The following ZNF492 variants were observed in gnomAD, a reference collection of about 807,000 sequenced individuals.
ZNF492 encodes zinc finger protein 115 (Y20).
Under a neutral mutation model 6.4 loss-of-function variants are expected in ZNF492, and 3 were observed. The ratio of observed to expected loss-of-function variants is 0.47; its 90% confidence interval spans 0.21 to 1.22. The LOEUF (loss-of-function observed/expected upper bound fraction) is 1.22, where lower values mean the gene tolerates loss of function less well. Ranked by LOEUF, ZNF492 falls within the 50% of genes most tolerant of loss-of-function variation. The pLI, the probability that ZNF492 is intolerant of heterozygous loss-of-function variation, is 0.22. For missense variants in ZNF492, 356 were observed against 612.5 expected, an observed-to-expected ratio of 0.58 and a Z score of 4.42; for synonymous variants, 112 against 205.3, an observed-to-expected ratio of 0.55 and a Z score of 3.89.
At position 22,665,123 on chromosome 19, in the gene ZNF492, C is replaced by G. The variant is rs776673156; in HGVS notation, c.1454C>G (p.Ala485Gly). ...KPYKCEECGK[A>G]FNNSSILNRH... ...TACAAGTGTGAAGAATGTGGCAAAG[C>G]CTTTAACAACTCCTCTATTCTTAAC... is the stretch of plus-strand genomic sequence containing the variant. Residue 485 changes from alanine (A) to glycine (G), a missense_variant, in exon 4 of 4, where the codon GCC (alanine) becomes GGC (glycine). This residue lies in a region of ZNF492 where 81 missense variants were observed against 115.4 expected (regional missense o/e 0.70). Coordinates refer to ENST00000456783, the MANE Select transcript of ZNF492 (RefSeq NM_020855.3). 15 of 1,610,184 alleles carry G rather than the reference C, an allele frequency of 9.3e-6. No homozygotes were observed. The Admixed American group carries it at 2.3e-4, about 25-fold the overall frequency.
rs1427443014 is a variant in ZNF492 at position 22,664,483 on chromosome 19, AAG to A, written c.816_817del (p.Lys272AsnfsTer12). 1.9e-6 allele frequency: 3 copies of A among 1,562,746 alleles called. No individual in the cohort carries two copies. The highest frequency in any genetic ancestry group is 1.7e-6 in the Non-Finnish European group (2 of 1,156,052). ...FSQSSTLTAH[K>X]IIHAGEKPYK... ...CCAGTCCTCAACCCTTACTGCACAT[AAG>A]ATAATTCATGCTGGAGAGAAACCTT... is the stretch of plus-strand genomic sequence containing the variant. On this transcript the variant is annotated frameshift_variant, in exon 4 of 4. Transcript: ENST00000456783. LOFTEE classifies it low-confidence loss of function (END_TRUNC).
At chr19:22,652,441 A>G (rs1709995307) in intron 1 of ZNF492, among the ~76,000 whole-genome samples, 1 of 150,998 alleles carries the variant, frequency 6.6e-6, no homozygotes, top group African/African-American at 2.5e-5. Flanking sequence ...CTTTGTTTAC[A>G]GGCCAGAAAA....
Position 22,665,223 on chromosome 19 carries a change from A to C in ZNF492, c.1554A>C (p.Ala518=). Residue 518 remains alanine, a synonymous_variant, in exon 4 of 4, where the codon GCA becomes GCC. Coordinates refer to ENST00000456783, the MANE Select transcript of ZNF492 (RefSeq NM_020855.3). The part of the protein sequence containing the change: ...ESCNNACDNI[A]KISKYKRNCA... The stretch of plus-strand genomic sequence containing the variant: ...GTAACAATGCTTGTGACAACATTGC[A>C]AAGATTTCCAAATATAAAAGAAATT... The C allele has an allele frequency of 6.3e-7, 1 of 1,589,858 alleles. No homozygotes were observed. Among genetic ancestry groups the C allele is most frequent in the Non-Finnish European group, 8.6e-7 (1 of 1,168,206 alleles).
chr19:22,635,682 A>G (rs533030803), intron 1 of ZNF492, among the ~76,000 whole-genome samples: 28 of 152,310 alleles, frequency 1.8e-4, no homozygotes, highest in Non-Finnish European at 3.7e-4. Context: ...GTGCTTAGCA[A>G]CCCTGTCGTT....
chr19:22,663,863 A>G lies in ZNF492; in HGVS notation c.194A>G (p.Lys65Arg). Reference sequence around the variant, plus strand: ...CAGGGCAAAAAAAATTATTTCCAAAAAGTGATACTGAGAAGATATAAAAAA... The same window carrying G: ...CAGGGCAAAAAAAATTATTTCCAAAGAGTGATACTGAGAAGATATAAAAAA... ...PKQGKKNYFQKVILRRYKKCG... is the reference protein window; with the variant it reads ...PKQGKKNYFQRVILRRYKKCG... The change falls in exon 4 of 4, where the codon AAA becomes AGA. Residue 65 changes from lysine to arginine, a missense_variant. Lys to Arg is a conservative substitution (Grantham distance 26). This residue lies in a region of ZNF492 where 196 missense variants were observed against 219.4 expected (regional missense o/e 0.89). Coordinates refer to ENST00000456783, the MANE Select transcript of ZNF492 (RefSeq NM_020855.3). 1 of 1,568,948 alleles carries G rather than the reference A, an allele frequency of 6.4e-7. No homozygotes were observed. Among genetic ancestry groups the G allele is most frequent in the East Asian group, 2.3e-5 (1 of 44,306 alleles).
At chr19:22,658,830 G>A (rs1341374179) in intron 3 of ZNF492, among the ~76,000 whole-genome samples, 3 of 143,378 alleles carry the variant, frequency 2.1e-5, no homozygotes, top group Non-Finnish European at 3.0e-5. Context: ...ATATATGTGA[G>A]AGTTTATATA....
intron 3 of ZNF492, among the ~76,000 whole-genome samples, chr19:22,657,093 T>C (rs1972003909): frequency 6.6e-6 from 1 of 152,162 alleles, no homozygotes; most frequent in South Asian, 2.1e-4. Flanking sequence ...TCTATTTCAA[T>C]TTTGTCAGTA....
rs757603964 is a variant in ZNF492 at position 22,664,159 on chromosome 19, A to G, written c.490A>G (p.Ser164Gly). The change falls in exon 4 of 4, where the codon AGT (serine) becomes GGT (glycine). Residue 164 changes from serine (S) to glycine (G), a missense_variant. By Grantham distance (56) the Ser-to-Gly change is moderately conservative. Transcript: ENST00000456783. The part of the protein sequence containing the change: ...SHLAQHKRIH[S>G]GEKPYKCKEC... ...CTTAGCTCAACATAAAAGAATTCAT[A>G]GTGGAGAGAAACCCTACAAATGTAA... 2.7e-5 allele frequency: 44 copies of G among 1,606,984 alleles called. No homozygotes were observed. The Middle Eastern group carries it at 6.6e-4, about 24-fold the overall frequency.
intron 1 of ZNF492, among the ~76,000 whole-genome samples, chr19:22,635,926 T>C (rs534882427): frequency 1.4e-4 from 22 of 152,146 alleles, no homozygotes; most frequent in Non-Finnish European, 1.8e-4. Flanking sequence ...CAGCTAAAAT[T>C]GTGTCATGGG....
intron 1 of ZNF492, among the ~76,000 whole-genome samples, chr19:22,651,467 A>T (rs1971939166): frequency 1.3e-5 from 2 of 151,938 alleles, no homozygotes; most frequent in African/African-American, 4.8e-5. Flanking sequence ...GCAAAGCTTT[A>T]CTTTTCTACT....
Position 22,665,162 on chromosome 19 carries a change from T to G in ZNF492, c.1493T>G (p.Ile498Ser). The change falls in exon 4 of 4, where the codon ATT becomes AGT. Residue 498 changes from isoleucine (I) to serine (S), a missense_variant. Around this residue, in one of 7 missense-constraint regions of ZNF492, gnomAD observed 81 missense variants for 115.4 expected, o/e 0.70. Coordinates refer to ENST00000456783, the MANE Select transcript of ZNF492 (RefSeq NM_020855.3). ...TCTATTCTTAACAGACATAAGATGA[T>G]TCATACTGGAGAGAAACTCTACAAA... Reference protein sequence around the residue: ...NSSILNRHKMIHTGEKLYKPE... With the variant: ...NSSILNRHKMSHTGEKLYKPE... The G allele has an allele frequency of 6.2e-7, 1 of 1,610,652 alleles. No homozygotes were observed.
chr19:22,638,001 C>T (rs1319484562), intron 1 of ZNF492, among the ~76,000 whole-genome samples: 1 of 152,114 alleles, frequency 6.6e-6, no homozygotes, highest in Admixed American at 6.6e-5. Flanking sequence ...TGCTCGTTAA[C>T]CACATGTATG....
intron 3 of ZNF492, among the ~76,000 whole-genome samples, chr19:22,661,499 T>G (rs1443975859): frequency 6.6e-6 from 1 of 152,234 alleles, no homozygotes; most frequent in Non-Finnish European, 1.5e-5. Context: ...AACAATTATC[T>G]TGGCTAGAGA....
chr19:22,642,834 C>T (rs1971842094), intron 1 of ZNF492, among the ~76,000 whole-genome samples: 2 of 152,066 alleles, frequency 1.3e-5, no homozygotes, highest in Admixed American at 6.6e-5. Context: ...ATTTTAAGAG[C>T]ACTTGAAAGT....
chr19:22,642,284 C>T (rs565452787), intron 1 of ZNF492, among the ~76,000 whole-genome samples: 3 of 151,226 alleles, frequency 2.0e-5, no homozygotes, highest in Non-Finnish European at 4.4e-5. Context: ...ATATTTTGTT[C>T]ATCTCTGTTT....
chr19:22,655,362 T>G (rs1971983912), intron 3 of ZNF492, among the ~76,000 whole-genome samples: 1 of 100,226 alleles, frequency 1.0e-5, no homozygotes, highest in African/African-American at 5.9e-5. Context: ...TCTTCTCCAA[T>G]TTTTTTTTAT....
chr19:22,637,395 ATCC>A (rs1246520069), intron 1 of ZNF492, among the ~76,000 whole-genome samples: 1 of 151,682 alleles, frequency 6.6e-6, no homozygotes, highest in Non-Finnish European at 1.5e-5. Flanking sequence ...GGCTCAAGCA[ATCC>A]TCTTCTACTT....
chr19:22,661,174 C>T lies in ZNF492; in HGVS notation c.131-2626C>T, dbSNP rs573161580. ...TACATCATTTTTCTTTTAGGATTTT[C>T]CAGTTGTTTATTTTTCTACTTTTTA... On this transcript the variant is annotated intron_variant, in intron 3 of 3. Coordinates refer to ENST00000456783, the MANE Select transcript of ZNF492 (RefSeq NM_020855.3). 6.6e-5 allele frequency among the ~76,000 whole-genome samples: 10 copies of T among 151,184 alleles called. No individual in the cohort carries two copies. In the East Asian group the frequency reaches 1.6e-3, roughly 24 times the overall value.
At chr19:22,660,913 CTTTT>C (rs765100457) in intron 3 of ZNF492, among the ~76,000 whole-genome samples, 1 of 132,266 alleles carries the variant, frequency 7.6e-6, no homozygotes. Flanking sequence ...AACTTGATAG[CTTTT>C]TTTTTTTTTT....
Sources: gnomAD v4.1 joint callset for allele counts (sites outside exome capture counted in the v4.1 genomes callset) on GRCh38, gnomAD v4.1.1 for gene constraint, gnomAD v4.1.1 regional missense constraint, MANE v1.5 for transcripts, NCBI Gene and HGNC (gene_info 2026-07-23, HGNC 2026-07-21) for gene names.